The following DGKB variants were observed in gnomAD, a reference collection of about 807,000 sequenced individuals.
DGKB encodes 90 kDa diacylglycerol kinase.
DGKB carries 67 observed loss-of-function variants against 114.3 expected under a neutral mutation model. The observed-to-expected ratio is 0.59, with a 90% CI of 0.48 to 0.72. The LOEUF (loss-of-function observed/expected upper bound fraction) is 0.72. Ranked by LOEUF, DGKB falls within the 30% of genes least tolerant of loss-of-function variation. DGKB has a pLI of 0.00. For missense variants in DGKB, 907 were observed against 975.2 expected, an observed-to-expected ratio of 0.93 and a Z score of 0.93; for synonymous variants, 398 against 323.1, an observed-to-expected ratio of 1.23 and a Z score of -2.49.
intron 2 of DGKB, among the ~76,000 whole-genome samples, chr7:14,796,009 T>A (rs1250823565): frequency 6.6e-6 from 1 of 152,084 alleles, no homozygotes; most frequent in Non-Finnish European, 1.5e-5. Context: ...AACCCTTATC[T>A]CTAATAGGAA....
At chr7:14,370,348 G>A (rs1817431065) in intron 21 of DGKB, among the ~76,000 whole-genome samples, 1 of 152,138 alleles carries the variant, frequency 6.6e-6, no homozygotes, top group Non-Finnish European at 1.5e-5. Flanking sequence ...ATAGTTTGAA[G>A]TCAGGTAGTG....
chr7:14,580,775 GT>G (rs1799806475), intron 19 of DGKB, 86 bp downstream of exon 19: 1 of 896,674 alleles, frequency 1.1e-6, no homozygotes, highest in South Asian at 1.8e-5. Flanking sequence ...AAATCATATC[GT>G]TTTTGTTTCT....
chr7:14,605,698 G>A (rs1029203677), intron 17 of DGKB, among the ~76,000 whole-genome samples: 11 of 152,082 alleles, frequency 7.2e-5, no homozygotes, highest in South Asian at 6.2e-4. Context: ...TAGGAAAAAA[G>A]TGAGATGAGA....
At chr7:14,279,017 G>T (rs922258601) in intron 23 of DGKB, among the ~76,000 whole-genome samples, 1 of 152,114 alleles carries the variant, frequency 6.6e-6, no homozygotes, top group Non-Finnish European at 1.5e-5. Context: ...CAGGTCAGTG[G>T]GTGCACGCAC....
At chr7:14,418,253 A>G (rs1163493617) in intron 21 of DGKB, among the ~76,000 whole-genome samples, 6 of 133,474 alleles carry the variant, frequency 4.5e-5, no homozygotes, top group African/African-American at 1.8e-4. Flanking sequence ...ATGTGTGTAT[A>G]TATTATATAT....
intron 6 of DGKB, among the ~76,000 whole-genome samples, chr7:14,715,614 G>C (rs1311658797): frequency 6.6e-6 from 1 of 152,128 alleles, no homozygotes; most frequent in Admixed American, 6.5e-5. Context: ...CTTGGGACGG[G>C]AAGGTCCTCA....
chr7:14,373,170 G>A lies in DGKB; in HGVS notation c.1836-27779C>T, dbSNP rs1016000235. On this transcript the variant is annotated intron_variant, in intron 21 of 25. Transcript: ENST00000402815. ...GGACCCTTGAATAAATACAGAAACA[G>A]AGCTCTGCAACCCCTGCAAATAATT... is the stretch of plus-strand genomic sequence containing the variant. Among the ~76,000 whole-genome samples, 11 of 152,148 alleles carry A rather than the reference G, an allele frequency of 7.2e-5. No homozygotes were observed. The South Asian group carries it at 2.3e-3, about 31-fold the overall frequency.
At chr7:14,389,002 A>G (rs1563080676) in intron 21 of DGKB, among the ~76,000 whole-genome samples, 1 of 152,228 alleles carries the variant, frequency 6.6e-6, no homozygotes, top group Non-Finnish European at 1.5e-5. Context: ...CTGCCCTTTC[A>G]TGATAGCCTC....
chr7:14,803,188 T>C (rs1016927031), intron 2 of DGKB, among the ~76,000 whole-genome samples: 6 of 152,104 alleles, frequency 3.9e-5, no homozygotes, highest in Admixed American at 6.6e-5. Context: ...GCGATCCTCC[T>C]GCCTCATCCT....
intron 21 of DGKB, among the ~76,000 whole-genome samples, chr7:14,369,332 TG>T (rs1817233924): frequency 6.6e-6 from 1 of 152,172 alleles, no homozygotes; most frequent in African/African-American, 2.4e-5. Context: ...GATGGGCATT[TG>T]GGTTGGTTTC....
intron 21 of DGKB, among the ~76,000 whole-genome samples, chr7:14,368,197 T>C (rs1027329053): frequency 4.6e-5 from 7 of 150,972 alleles, no homozygotes; most frequent in Non-Finnish European, 1.0e-4. Flanking sequence ...ACGTTTATTA[T>C]AATTGATGGA....
chr7:14,822,848 T>C (rs1293260135), intron 2 of DGKB, among the ~76,000 whole-genome samples: 1 of 152,084 alleles, frequency 6.6e-6, no homozygotes, highest in Non-Finnish European at 1.5e-5. Flanking sequence ...AATTAAAGAC[T>C]TGAACTTCTG....
intron 1 of DGKB, among the ~76,000 whole-genome samples, chr7:14,851,750 C>G (rs887678490): frequency 1.3e-5 from 2 of 152,180 alleles, no homozygotes. Context: ...AGCTTGCCAA[C>G]ATATCCAAAG....
chr7:14,700,427 G>A (rs1234841462), intron 7 of DGKB, among the ~76,000 whole-genome samples: 7 of 151,982 alleles, frequency 4.6e-5, no homozygotes, highest in Non-Finnish European at 8.8e-5. Flanking sequence ...TTGGCCAGCT[G>A]GTCTCAAACT....
Position 14,841,208 on chromosome 7 carries a change from T to C in DGKB, c.56A>G (p.Gln19Arg). The change falls in exon 2 of 26, where the codon CAG becomes CGG. Residue 19 changes from glutamine (Q) to arginine (R), a missense_variant. Gln to Arg is a conservative substitution (Grantham distance 43). Around this residue, in one of 3 missense-constraint regions of DGKB, gnomAD observed 814 missense variants for 856.6 expected, o/e 0.95. Transcript: ENST00000402815. ...HLSPSEFSQL[Q>R]KYAEYSTKKL... ...TGAATACTTACACTCAGCATATTTC[T>C]GAAGTTGGGAAAATTCCGAAGGGCT... 1 of 1,613,206 alleles carries C rather than the reference T, an allele frequency of 6.2e-7. No individual in the cohort carries two copies. The highest frequency in any genetic ancestry group is 8.5e-7 in the Non-Finnish European group (1 of 1,179,514).
chr7:14,440,969 GT>G (rs1042685575), intron 21 of DGKB, among the ~76,000 whole-genome samples: 13 of 151,976 alleles, frequency 8.6e-5, no homozygotes, highest in Admixed American at 3.3e-4. Context: ...ATTGAAACCA[GT>G]TGAATAGTTT....
intron 2 of DGKB, among the ~76,000 whole-genome samples, chr7:14,811,858 A>G (rs1332376253): frequency 6.6e-6 from 1 of 151,880 alleles, no homozygotes. Context: ...GTATATTCAC[A>G]TTATTGTCTA....
At chr7:14,660,405 T>G (rs1003794177) in intron 13 of DGKB, among the ~76,000 whole-genome samples, 1 of 152,070 alleles carries the variant, frequency 6.6e-6, no homozygotes, top group Non-Finnish European at 1.5e-5. Flanking sequence ...TTGCCACAAT[T>G]TCAGATCCTG....
At chr7:14,906,447 C>CTTTT (rs34250901), upstream of DGKB, among the ~76,000 whole-genome samples, 715 of 103,840 alleles carry the variant, frequency 6.9e-3, no homozygotes, top group Non-Finnish European at 0.012. Context: ...TTTTTTCTGT[C>CTTTT]TTTTTTTTTT....
Sources: gnomAD v4.1 joint callset for allele counts (sites outside exome capture counted in the v4.1 genomes callset) on GRCh38, gnomAD v4.1.1 for gene constraint, gnomAD v4.1.1 regional missense constraint, MANE v1.5 for transcripts, NCBI Gene and HGNC (gene_info 2026-07-23, HGNC 2026-07-21) for gene names.